CACNA1B: variants seen among roughly 807,000 people sequenced by gnomAD.
CACNA1B encodes the protein calcium voltage-gated channel subunit alpha1 B.
CACNA1B carries 70 observed loss-of-function variants against 247.2 expected under a neutral mutation model. That is an observed-to-expected ratio of 0.28 (90% confidence interval 0.23 to 0.35). CACNA1B has a LOEUF of 0.35. Ranked by LOEUF, CACNA1B falls within the 10% of genes least tolerant of loss-of-function variation. The pLI, the probability that CACNA1B is intolerant of heterozygous loss-of-function variation, is 1.00. For synonymous variants in CACNA1B, 1,231 were observed against 1,294.4 expected (o/e 0.95, Z 1.05); for missense variants, 2,367 against 3,197.4 (o/e 0.74, Z 6.26).
chr9:138,094,457 A>AAAAAAAAAAAAAAAAAAAAAATAGAAG (rs752912258), intron 36 of CACNA1B, among the ~76,000 whole-genome samples: 1 of 134,836 alleles, frequency 7.4e-6, no homozygotes, highest in Non-Finnish European at 1.6e-5. Flanking sequence ...AAAAAAAAAA[A>AAAAAAAAAAAAAAAAAAAAAATAGAAG]AAGAAGAAGA....
At chr9:137,928,801 C>T (rs1957579065) in intron 6 of CACNA1B, among the ~76,000 whole-genome samples, 2 of 152,212 alleles carry the variant, frequency 1.3e-5, no homozygotes, top group Admixed American at 6.5e-5. Flanking sequence ...CTTATTCCCA[C>T]AGCCTCTGGC....
At chr9:137,918,118 T>C (rs1957433330) in intron 6 of CACNA1B, among the ~76,000 whole-genome samples, 2 of 152,196 alleles carry the variant, frequency 1.3e-5, no homozygotes, top group South Asian at 4.1e-4. Context: ...GTTTCCTCTT[T>C]GGTCTCCTCG....
At chr9:138,039,126 G>T (rs1305229531) in intron 20 of CACNA1B, among the ~76,000 whole-genome samples, 2 of 151,998 alleles carry the variant, frequency 1.3e-5, no homozygotes, top group Non-Finnish European at 1.5e-5. Context: ...AACCCAGGAG[G>T]CAGAGGTTGT....
chr9:138,109,990 G>A, intron 39 of CACNA1B, among the ~76,000 whole-genome samples: 1 of 151,996 alleles, frequency 6.6e-6, no homozygotes, highest in African/African-American at 2.4e-5. Flanking sequence ...GGAGTCGGAG[G>A]TTGCAGTGAG....
At chr9:137,895,779 G>A (rs1208972638) in intron 3 of CACNA1B, among the ~76,000 whole-genome samples, 1 of 152,202 alleles carries the variant, frequency 6.6e-6, no homozygotes, top group African/African-American at 2.4e-5. Context: ...CATCTGCAAA[G>A]AGGAACAGCT....
At chr9:138,032,669 CT>C (rs778455760) in intron 20 of CACNA1B, 19 of 448,108 alleles carry the variant, frequency 4.2e-5, no homozygotes, top group East Asian at 1.4e-4. Flanking sequence ...GTTGACAGTT[CT>C]TTTTTTTTCA....
At chr9:138,028,731 C>T (rs1465186493) in intron 20 of CACNA1B, among the ~76,000 whole-genome samples, 1 of 152,156 alleles carries the variant, frequency 6.6e-6, no homozygotes, top group East Asian at 1.9e-4. Flanking sequence ...TTAATCAAGT[C>T]CCTTTATGCA....
At position 138,046,950 on chromosome 9, in the gene CACNA1B, G is replaced by A. The variant is rs199969429; in HGVS notation, c.3460G>A (p.Val1154Met). The change falls in exon 22 of 47, where the codon GTG becomes ATG. Residue 1154 changes from valine to methionine, a missense_variant. Val to Met is a conservative substitution (Grantham distance 21). This residue lies in a region of CACNA1B where 631 missense variants were observed against 631.1 expected (regional missense o/e 1.00). Transcript: ENST00000371372. ...HYIVTMRYFE[V>M]VILVVIALSS... is the part of the protein sequence containing the mutation. ...CATCGTGACCATGAGGTACTTCGAGGTGGTCATTCTCGTGGTCATCGCCTT... is the reference window on the plus strand; with the variant it reads ...CATCGTGACCATGAGGTACTTCGAGATGGTCATTCTCGTGGTCATCGCCTT... 1.3e-5 allele frequency: 21 copies of A among 1,613,338 alleles called. No homozygotes were observed. Among genetic ancestry groups the A allele is most frequent in the Non-Finnish European group, 1.8e-5 (21 of 1,179,386 alleles).
intron 15 of CACNA1B, among the ~76,000 whole-genome samples, chr9:137,997,799 T>C (rs539379054): frequency 1.3e-4 from 20 of 152,354 alleles, no homozygotes; most frequent in Non-Finnish European, 2.2e-4. Context: ...CTGCCAGGTA[T>C]AGTTTTTTGC....
At chr9:138,022,836 T>G (rs1958864838) in intron 18 of CACNA1B, among the ~76,000 whole-genome samples, 175 bp from the exon 19 acceptor site, 1 of 148,958 alleles carries the variant, frequency 6.7e-6, no homozygotes. Context: ...CTGAATTCGG[T>G]TCCCTTGGGC....
intron 6 of CACNA1B, among the ~76,000 whole-genome samples, chr9:137,926,029 C>T (rs1399092005): frequency 6.8e-6 from 1 of 146,620 alleles, no homozygotes; most frequent in African/African-American, 2.5e-5. Context: ...GCTGGGATTA[C>T]AGGCGTGAGC....
chr9:138,044,471 C>A (rs968112652), intron 21 of CACNA1B, among the ~76,000 whole-genome samples: 4 of 152,148 alleles, frequency 2.6e-5, no homozygotes, highest in African/African-American at 9.7e-5. Context: ...ACGACAGACA[C>A]GACAAATAAG....
Position 138,025,036 on chromosome 9 carries a change from G to C in CACNA1B, c.3150G>C (p.Lys1050Asn). ...MHTLPSTCLQ[K>N]VEEQPEDADN... ...CACTGCCCAGCACCTGTCTCCAGAAGGTGGAGGAACAGCCAGAGGATGCAG... is the reference window on the plus strand; with the variant it reads ...CACTGCCCAGCACCTGTCTCCAGAACGTGGAGGAACAGCCAGAGGATGCAG... The change falls in exon 20 of 47, where the codon AAG becomes AAC. Residue 1050 changes from lysine (K) to asparagine (N), a missense_variant. By Grantham distance (94) the Lys-to-Asn change is moderately conservative. This residue lies in a region of CACNA1B where 631 missense variants were observed against 631.1 expected (regional missense o/e 1.00). Coordinates refer to ENST00000371372, the MANE Select transcript of CACNA1B (RefSeq NM_000718.4). 1 of 1,608,554 alleles carries C rather than the reference G, an allele frequency of 6.2e-7. No individual in the cohort carries two copies. Among genetic ancestry groups the C allele is most frequent in the Non-Finnish European group, 8.5e-7 (1 of 1,177,478 alleles).
At chr9:137,936,906 G>A (rs1468089956) in intron 6 of CACNA1B, among the ~76,000 whole-genome samples, 1 of 152,236 alleles carries the variant, frequency 6.6e-6, no homozygotes. Flanking sequence ...TTTGAAGTCA[G>A]GTAGCGTGAC....
intron 6 of CACNA1B, among the ~76,000 whole-genome samples, chr9:137,949,155 G>GTATC (rs1406640197): frequency 5.7e-4 from 49 of 85,974 alleles, no homozygotes; most frequent in Admixed American, 6.7e-4. Flanking sequence ...GTGCATGTGT[G>GTATC]TGGTGTGTGC....
chr9:138,064,196 G>A (rs971041075), intron 31 of CACNA1B, among the ~76,000 whole-genome samples: 1 of 152,206 alleles, frequency 6.6e-6, no homozygotes, highest in Non-Finnish European at 1.5e-5. Flanking sequence ...TTTCTCCAGT[G>A]TGCAATTTCT....
intron 6 of CACNA1B, among the ~76,000 whole-genome samples, chr9:137,925,052 C>A (rs1272486549): frequency 1.3e-5 from 2 of 152,230 alleles, no homozygotes; most frequent in Non-Finnish European, 2.9e-5. Context: ...TGTGCCTGAC[C>A]AGCATTGCAG....
Position 137,919,848 on chromosome 9 carries a change from G to A in CACNA1B, c.966+2417G>A, listed in dbSNP as rs111819018. On this transcript the variant is annotated intron_variant, in intron 6 of 46. Coordinates refer to ENST00000371372, the MANE Select transcript of CACNA1B (RefSeq NM_000718.4). The surrounding 1 kb of genome is among the most constrained non-coding windows in gnomAD (Gnocchi z 4.6). ...AGCTGGTGGCAGCGGGTGGGGCAGC[G>A]TGGGGGCACTCCAGCTTGAGGAGAA... Among the ~76,000 whole-genome samples the A allele has an allele frequency of 9.4e-3, 1,429 of 152,328 alleles. 8 individuals are homozygous for A. The highest frequency in any genetic ancestry group is 0.012 in the South Asian group (56 of 4,828).
rs1406548527 is a variant in CACNA1B at position 138,057,302 on chromosome 9, A to G, written c.3969-430A>G. Reference sequence around the variant, plus strand: ...CAACTCCCTTATCAGACAGAGGATTAGGAAATAAGTATTTTTCCCATTCTG... The same window carrying G: ...CAACTCCCTTATCAGACAGAGGATTGGGAAATAAGTATTTTTCCCATTCTG... On this transcript the variant is annotated intron_variant, in intron 26 of 46. Coordinates refer to ENST00000371372, the MANE Select transcript of CACNA1B (RefSeq NM_000718.4). The surrounding 1 kb of genome is among the most constrained non-coding windows in gnomAD (Gnocchi z 4.0). Among the ~76,000 whole-genome samples, 1 of 152,206 alleles carries G rather than the reference A, an allele frequency of 6.6e-6. No homozygotes were observed. The highest frequency in any genetic ancestry group is 6.5e-5 in the Admixed American group (1 of 15,290).
Sources: allele counts gnomAD v4.1 joint callset (sites outside exome capture counted in the v4.1 genomes callset), GRCh38; gene constraint gnomAD v4.1.1; regional missense constraint gnomAD v4.1.1; non-coding constraint Gnocchi (gnomAD v3.1); transcripts MANE v1.5; gene names NCBI Gene and HGNC (gene_info 2026-07-23, HGNC 2026-07-21).